SMARCA2: variants seen among roughly 807,000 people sequenced by gnomAD.
SMARCA2 encodes the protein SWI/SNF related BAF chromatin remodeling complex subunit ATPase 2.
A neutral mutation model predicts 199.8 loss-of-function variants in SMARCA2; 61 were observed. The ratio of observed to expected loss-of-function variants is 0.31; its 90% confidence interval spans 0.25 to 0.38. The LOEUF (loss-of-function observed/expected upper bound fraction) is 0.38, where lower values mean the gene tolerates loss of function less well. Among genes scored for constraint, SMARCA2 ranks in the 10% least tolerant of loss-of-function variants. SMARCA2 has a pLI of 1.00. For missense variants in SMARCA2, 1,344 were observed against 2,012.2 expected, an observed-to-expected ratio of 0.67 and a Z score of 6.35; for synonymous variants, 935 against 732.0, an observed-to-expected ratio of 1.28 and a Z score of -4.48.
chr9:2,092,421 C>T (rs1007121336), intron 19 of SMARCA2, among the ~76,000 whole-genome samples: 3 of 152,152 alleles, frequency 2.0e-5, no homozygotes, highest in South Asian at 2.1e-4. Context: ...CATGCCATAG[C>T]GTTTAGAACC....
intron 5 of SMARCA2, among the ~76,000 whole-genome samples, chr9:2,053,782 C>T (rs1820231671): frequency 6.6e-6 from 1 of 152,134 alleles, no homozygotes; most frequent in African/African-American, 2.4e-5. Context: ...CTAAAACCAG[C>T]AGTTTATATA....
At chr9:2,023,871 A>G (rs1308887910) in intron 1 of SMARCA2, among the ~76,000 whole-genome samples, 1 of 152,236 alleles carries the variant, frequency 6.6e-6, no homozygotes, top group Admixed American at 6.5e-5. Flanking sequence ...GATGTTCTGA[A>G]TCAGCAAACA....
intron 14 of SMARCA2, among the ~76,000 whole-genome samples, chr9:2,080,562 C>G (rs1821524052): frequency 6.6e-6 from 1 of 152,194 alleles, no homozygotes; most frequent in South Asian, 2.1e-4. Context: ...CTTCTCCTGT[C>G]TACCACTGTT....
intron 23 of SMARCA2, among the ~76,000 whole-genome samples, chr9:2,106,761 C>T (rs1195431815): frequency 1.3e-5 from 2 of 152,136 alleles, no homozygotes; most frequent in African/African-American, 4.8e-5. Context: ...GCTAATACTC[C>T]ATATAGTTTT....
In SMARCA2 at chr9:2,192,824, G is replaced by C; in HGVS notation, c.*85G>C. On this transcript the variant is annotated 3_prime_UTR_variant, in exon 34 of 34. Transcript: ENST00000349721. ...CCCAGTGAGTTCATTTGTCATATAGGCACTGGGTTGTTTCTATATCATCAT... is the reference window on the plus strand; with the variant it reads ...CCCAGTGAGTTCATTTGTCATATAGCCACTGGGTTGTTTCTATATCATCAT... 1 of 953,608 alleles carries C rather than the reference G, an allele frequency of 1.0e-6. No individual in the cohort carries two copies. The allele number at this position is 953,608 out of a possible 1,614,324, so 59.1% of individuals were successfully genotyped here. A position where few individuals can be genotyped will look rare whatever the true frequency, so the allele number is the denominator to read the frequency against.
At chr9:2,088,028 A>G (rs1821874036) in intron 18 of SMARCA2, among the ~76,000 whole-genome samples, 1 of 152,244 alleles carries the variant, frequency 6.6e-6, no homozygotes, top group Non-Finnish European at 1.5e-5. Context: ...AAACTGGATC[A>G]ACTCTTGTTC....
chr9:2,122,347 T>G (rs1010542300), intron 26 of SMARCA2, among the ~76,000 whole-genome samples: 15 of 152,114 alleles, frequency 9.9e-5, no homozygotes, highest in African/African-American at 3.6e-4. Context: ...TCTTATTAGC[T>G]CTCTAATAAC....
At chr9:2,051,716 A>G (rs974874555) in intron 5 of SMARCA2, among the ~76,000 whole-genome samples, 2 of 152,252 alleles carry the variant, frequency 1.3e-5, no homozygotes, top group African/African-American at 4.8e-5. Flanking sequence ...TCTAGAACCA[A>G]GGATGCGGAA....
intron 21 of SMARCA2, among the ~76,000 whole-genome samples, chr9:2,101,212 C>G (rs373073175): frequency 1.3e-5 from 2 of 152,158 alleles, no homozygotes; most frequent in South Asian, 2.1e-4. Flanking sequence ...TTGTGCTCTT[C>G]TAGTCTAGAC....
At chr9:2,177,589 G>A (rs191997834) in intron 29 of SMARCA2, among the ~76,000 whole-genome samples, 6 of 151,522 alleles carry the variant, frequency 4.0e-5, no homozygotes, top group East Asian at 1.9e-4. Context: ...TTTCGCTCTC[G>A]TTGCCCAGGC....
intron 1 of SMARCA2, among the ~76,000 whole-genome samples, chr9:2,020,816 C>T (rs1818568969): frequency 6.6e-6 from 1 of 152,088 alleles, no homozygotes; most frequent in African/African-American, 2.4e-5. Context: ...AACAAAATAG[C>T]TGGTCTTTTG....
chr9:2,138,860 C>T (rs767554476), intron 27 of SMARCA2, among the ~76,000 whole-genome samples: 26 of 152,256 alleles, frequency 1.7e-4, no homozygotes, highest in Non-Finnish European at 3.1e-4. Flanking sequence ...GCTCCATCTC[C>T]GAGAACTCAG....
chr9:2,016,648 G>A lies in SMARCA2; in HGVS notation c.-37+1244G>A, dbSNP rs1033295200. On this transcript the variant is annotated intron_variant, in intron 1 of 33. Transcript: ENST00000349721. This position sits in a 1 kb window ranked among gnomAD's most constrained non-coding sequence, Gnocchi z 5.6. ...AGCGGCGGTGTGGTTCGCCCGGGAA[G>A]GGGAAGGGCTGCGGTGGGGAGGGAA... Among the ~76,000 whole-genome samples, 3 of 151,700 alleles carry A rather than the reference G, an allele frequency of 2.0e-5. No individual in the cohort carries two copies. The highest frequency in any genetic ancestry group is 4.4e-5 in the Non-Finnish European group (3 of 67,878).
intron 29 of SMARCA2, 113 bp from the exon 30 acceptor site, chr9:2,181,458 T>C: frequency 1.5e-6 from 1 of 657,748 alleles, no homozygotes; most frequent in South Asian, 1.6e-5. Context: ...AAGCTCCATA[T>C]CTATATGCGT....
intron 25 of SMARCA2, among the ~76,000 whole-genome samples, chr9:2,118,271 G>T (rs1004834972): frequency 2.0e-5 from 3 of 152,160 alleles, no homozygotes; most frequent in African/African-American, 7.2e-5. Context: ...TAGACAAATT[G>T]ACTTTAATCA....
chr9:2,118,128 G>C (rs1823292199), intron 25 of SMARCA2, among the ~76,000 whole-genome samples: 1 of 152,186 alleles, frequency 6.6e-6, no homozygotes, highest in Non-Finnish European at 1.5e-5. Context: ...AGAGGGTAAT[G>C]TGTGGTTCTA....
intron 33 of SMARCA2, chr9:2,192,164 C>A (rs1047531028): frequency 1.1e-5 from 2 of 175,612 alleles, no homozygotes; most frequent in African/African-American, 4.8e-5. Flanking sequence ...TTTTGAAATA[C>A]CCTTCATTTC....
At chr9:2,026,389 C>A (rs565698085) in intron 1 of SMARCA2, among the ~76,000 whole-genome samples, 1 of 152,276 alleles carries the variant, frequency 6.6e-6, no homozygotes, top group African/African-American at 2.4e-5. Flanking sequence ...TCCCTTCCAA[C>A]ATGTTTTCCC....
rs537979799 is a variant in SMARCA2 at position 2,123,348 on chromosome 9, C to T, written c.3763-371C>T. Among the ~76,000 whole-genome samples the T allele has an allele frequency of 6.6e-6, 1 of 152,114 alleles. No individual in the cohort carries two copies. Among genetic ancestry groups the T allele is most frequent in the African/African-American group, 2.4e-5 (1 of 41,494 alleles). On this transcript the variant is annotated intron_variant, in intron 26 of 33. Coordinates refer to ENST00000349721, the MANE Select transcript of SMARCA2 (RefSeq NM_003070.5). The surrounding 1 kb of genome is among the most constrained non-coding windows in gnomAD (Gnocchi z 4.1). ...CTTTACTCAAAGAATAAGTTTCTTCCAGGGAAGCAATGAGTTGTATAGCCA... is the reference window on the plus strand; with the variant it reads ...CTTTACTCAAAGAATAAGTTTCTTCTAGGGAAGCAATGAGTTGTATAGCCA...
Sources: allele counts gnomAD v4.1 joint callset (sites outside exome capture counted in the v4.1 genomes callset), GRCh38; gene constraint gnomAD v4.1.1; non-coding constraint Gnocchi (gnomAD v3.1); transcripts MANE v1.5; gene names NCBI Gene and HGNC (gene_info 2026-07-23, HGNC 2026-07-21).